The following NF2 variants were observed in gnomAD, a reference collection of about 807,000 sequenced individuals.
The protein encoded by NF2 is NF2, moesin-ezrin-radixin like (MERLIN) tumor suppressor.
A neutral mutation model predicts 83.7 loss-of-function variants in NF2; 8 were observed. The ratio of observed to expected loss-of-function variants is 0.10; its 90% CI spans 0.06 to 0.17. The LOEUF (loss-of-function observed/expected upper bound fraction) is 0.17. Ranked by LOEUF, NF2 falls within the 10% of genes least tolerant of loss-of-function variation. The pLI is 1.00. For synonymous variants in NF2, 266 were observed against 269.6 expected, an observed-to-expected ratio of 0.99 and a Z score of 0.13; for missense variants, 533 against 744.4, an observed-to-expected ratio of 0.72 and a Z score of 3.31.
chr22:29,674,926 C>T lies in NF2; in HGVS notation c.1431C>T (p.Thr477=). 1 of 1,569,280 alleles carries T rather than the reference C, an allele frequency of 6.4e-7. No individual in the cohort carries two copies. Among genetic ancestry groups the T allele is most frequent in the Non-Finnish European group, 8.6e-7 (1 of 1,156,390 alleles). ...RAKQKLLEIA[T]KPTYPPMNPI... ...AGCAGAAGCTCCTGGAGATTGCCACCAAGCCCACGTACCCGGTGAGCCTGG... is the reference window on the plus strand; with the variant it reads ...AGCAGAAGCTCCTGGAGATTGCCACTAAGCCCACGTACCCGGTGAGCCTGG... Residue 477 remains threonine, a synonymous_variant, in exon 13 of 16, where the codon ACC becomes ACT. Coordinates refer to ENST00000338641, the MANE Select transcript of NF2 (RefSeq NM_000268.4).
upstream of NF2, chr22:29,603,576 G>C (rs1416120940): frequency 2.6e-6 from 1 of 390,638 alleles, no homozygotes; most frequent in Non-Finnish European, 4.5e-6. Flanking sequence ...GCGGGCGCGC[G>C]GAGTGAGGAC....
rs1453148487 is a variant in NF2 at position 29,668,353 on chromosome 22, G to C, written c.906G>C (p.Gly302=). Residue 302 remains glycine, a synonymous_variant, in exon 10 of 16, where the codon GGG becomes GGC. Coordinates refer to ENST00000338641, the MANE Select transcript of NF2 (RefSeq NM_000268.4). ...VNKLILQLCI[G]NHDLFMRRRK... Reference sequence around the variant, plus strand: ...CACAGATTCTCCAGCTATGTATCGGGAACCATGATCTATTTATGAGGAGAA... The same window carrying C: ...CACAGATTCTCCAGCTATGTATCGGCAACCATGATCTATTTATGAGGAGAA... 1 of 1,613,710 alleles carries C rather than the reference G, an allele frequency of 6.2e-7. No homozygotes were observed.
In NF2 at chr22:29,694,967, T is replaced by C; in HGVS notation, c.*165T>C. On this transcript the variant is annotated 3_prime_UTR_variant, in exon 16 of 16. Transcript: ENST00000338641. The surrounding 1 kb of genome is among the most constrained non-coding windows in gnomAD (Gnocchi z 4.1). ...AGAGCCCAGCCCCTCTTATGTGCAA[T>C]TGCCTTGAACTACGACCCTGTAGAG... 1 of 725,294 alleles carries C rather than the reference T, an allele frequency of 1.4e-6. No homozygotes were observed. The highest frequency in any genetic ancestry group is 2.5e-6 in the Non-Finnish European group (1 of 408,000). The allele number at this position is 725,294 out of a possible 1,614,324, so 44.9% of individuals were successfully genotyped here. A position where few individuals can be genotyped will look rare whatever the true frequency, so the allele number is the denominator to read the frequency against.
chr22:29,607,128 T>C (rs2064818676), intron 1 of NF2, among the ~76,000 whole-genome samples: 1 of 152,196 alleles, frequency 6.6e-6, no homozygotes, highest in African/African-American at 2.4e-5. Flanking sequence ...TGTATATTAA[T>C]GTATCGAAAT....
chr22:29,655,553 C>T (rs762600305), intron 5 of NF2, 41 bp from the exon 6 acceptor site: 1 of 1,445,776 alleles, frequency 6.9e-7, no homozygotes, highest in Non-Finnish European at 9.7e-7. Context: ...ACCAAATTTA[C>T]TTCATGTGTA....
Position 29,634,064 on chromosome 22 carries a change from C to T in NF2, c.115-2687C>T, listed in dbSNP as rs571666126. Reference sequence around the variant, plus strand: ...GCTGGACAGCAAGAACAAAGGGACCCCACAGAACAGGAAAAGAGGCACTCT... The same window carrying T: ...GCTGGACAGCAAGAACAAAGGGACCTCACAGAACAGGAAAAGAGGCACTCT... On this transcript the variant is annotated intron_variant, in intron 1 of 15. Transcript: ENST00000338641. 3.9e-5 allele frequency among the ~76,000 whole-genome samples: 6 copies of T among 152,250 alleles called. No individual in the cohort carries two copies. The South Asian group carries it at 1.2e-3, about 32-fold the overall frequency.
At chr22:29,619,170 G>A (rs1350608148) in intron 1 of NF2, among the ~76,000 whole-genome samples, 3 of 151,670 alleles carry the variant, frequency 2.0e-5, no homozygotes, top group East Asian at 1.9e-4. Context: ...TCAGCCTCCC[G>A]AATAGCTGGG....
At position 29,654,594 on chromosome 22, in the gene NF2, C is replaced by G. The variant is rs577185744; in HGVS notation, c.448-63C>G. ...GGGAGGGAATGAGATTGGTCCAGCT[C>G]TGTTCAGAAATGGCAGTTATCTTTA... is the stretch of plus-strand genomic sequence containing the variant. On this transcript the variant is annotated intron_variant, in intron 4 of 15. Transcript: ENST00000338641. The G allele has an allele frequency of 5.7e-6, 8 of 1,397,054 alleles. No individual in the cohort carries two copies. In the East Asian group the frequency reaches 1.1e-4, roughly 20 times the overall value. The allele number at this position is 1,397,054 out of a possible 1,614,324, so 86.5% of individuals were successfully genotyped here. A position where few individuals can be genotyped will look rare whatever the true frequency, so the allele number is the denominator to read the frequency against.
intron 1 of NF2, among the ~76,000 whole-genome samples, chr22:29,608,041 C>T (rs2064845348): frequency 6.6e-6 from 1 of 150,944 alleles, no homozygotes; most frequent in South Asian, 2.1e-4. Context: ...GGCGTGGTGG[C>T]CGGCACCTGT....
rs778729029 is a variant in NF2, at chr22:29,681,613, CTCTT to C, written c.1737+17_1737+20del. The C allele has an allele frequency of 3.1e-6, 5 of 1,613,748 alleles. No individual in the cohort carries two copies. Among genetic ancestry groups the C allele is most frequent in the Non-Finnish European group, 4.2e-6 (5 of 1,179,938 alleles). On this transcript the variant is annotated intron_variant, in intron 15 of 15. Coordinates refer to ENST00000338641, the MANE Select transcript of NF2 (RefSeq NM_000268.4). ...ATACCATTAAAAAGGTACCCAGGGT[CTCTT>C]TCTTGTATTTTGCTGATCAGGACCA...
intron 4 of NF2, among the ~76,000 whole-genome samples, chr22:29,644,129 C>T (rs1179663379): frequency 7.3e-5 from 11 of 150,522 alleles, no homozygotes; most frequent in African/African-American, 1.2e-4. Context: ...TCATATGGGG[C>T]GGCTGCCTGG....
At chr22:29,664,483 C>T (rs1263809907) in intron 8 of NF2, among the ~76,000 whole-genome samples, 1 of 152,162 alleles carries the variant, frequency 6.6e-6, no homozygotes, top group Non-Finnish European at 1.5e-5. Context: ...TTTAGCTACC[C>T]TGTTGGATTG....
At chr22:29,689,536 C>T (rs930113209) in intron 15 of NF2, among the ~76,000 whole-genome samples, 1 of 151,974 alleles carries the variant, frequency 6.6e-6, no homozygotes, top group Non-Finnish European at 1.5e-5. Flanking sequence ...AGAGACCCAG[C>T]GCCTGGAGTT....
rs56783715 is a variant in NF2, at chr22:29,645,085, C to A, written c.447+2800C>A. 1.6e-3 allele frequency among the ~76,000 whole-genome samples: 244 copies of A among 152,294 alleles called. 3 individuals carry two copies. The South Asian group carries it at 0.023, about 14-fold the overall frequency. Reference sequence around the variant, plus strand: ...AAAAAATAATAAAATACTCTTAACTCACTTTTTGGGGTAGATTAATGCAAT... The same window carrying A: ...AAAAAATAATAAAATACTCTTAACTAACTTTTTGGGGTAGATTAATGCAAT... On this transcript the variant is annotated intron_variant, in intron 4 of 15. Coordinates refer to ENST00000338641, the MANE Select transcript of NF2 (RefSeq NM_000268.4).
In NF2 at chr22:29,681,395, A is replaced by G. The variant is rs186171173; in HGVS notation, c.1575-44A>G. 7.0e-4 allele frequency: 1,128 copies of G among 1,611,614 alleles called. 2 individuals carry two copies. Among genetic ancestry groups the G allele is most frequent in the Non-Finnish European group, 5.6e-4 (660 of 1,179,070 alleles). On this transcript the variant is annotated intron_variant, in intron 14 of 15. Coordinates refer to ENST00000338641, the MANE Select transcript of NF2 (RefSeq NM_000268.4). ...CCGCAGAGCACCTGAGCCGTGTCTC[A>G]CTGTCTGCCCAAGCCCTGATGCATG...
At chr22:29,646,830 G>A (rs566866860) in intron 4 of NF2, among the ~76,000 whole-genome samples, 29 of 152,226 alleles carry the variant, frequency 1.9e-4, no homozygotes, top group African/African-American at 6.7e-4. Flanking sequence ...GATCACCTGA[G>A]GTCAGGAGTT....
chr22:29,642,147 T>C (rs1000826011), intron 3 of NF2, 55 bp from the exon 4 acceptor site: 3 of 1,410,328 alleles, frequency 2.1e-6, no homozygotes, highest in Admixed American at 1.7e-5. Context: ...GTGATCAGCC[T>C]ACACACCTCA....
chr22:29,640,972 A>G (rs979778951), intron 3 of NF2, among the ~76,000 whole-genome samples: 3 of 152,114 alleles, frequency 2.0e-5, no homozygotes, highest in African/African-American at 7.2e-5. Context: ...CGTCCCTACT[A>G]AAAATACAAA....
chr22:29,687,292 T>TG (rs2067293496), intron 15 of NF2, among the ~76,000 whole-genome samples: 10 of 152,312 alleles, frequency 6.6e-5, no homozygotes, highest in South Asian at 2.1e-4. Context: ...CCAGCTGTGG[T>TG]TTCCACTGAT....
Sources: gnomAD v4.1 joint callset for allele counts (sites outside exome capture counted in the v4.1 genomes callset) on GRCh38, gnomAD v4.1.1 for gene constraint, Gnocchi (gnomAD v3.1) non-coding constraint, MANE v1.5 for transcripts, NCBI Gene and HGNC (gene_info 2026-07-23, HGNC 2026-07-21) for gene names.